The following SCAND3 variants were observed in gnomAD, a reference collection of about 807,000 sequenced individuals.
The protein encoded by SCAND3 is SCAN domain-containing protein 3.
chr6:28,580,694 A>G, the SCAND3 span, among the ~76,000 whole-genome samples: 195 of 152,338 alleles, frequency 1.3e-3, no homozygotes, highest in African/African-American at 4.5e-3. Flanking sequence ...CAATGTATCA[A>G]TTCTGTAATG....
At chr6:28,573,597 A>G in the SCAND3 span, 4 of 1,613,220 alleles carry the variant, frequency 2.5e-6, no homozygotes, top group African/African-American at 5.3e-5. Flanking sequence ...TAGCCAGTAC[A>G]TCTCCACAAA....
chr6:28,592,204 G>A, the SCAND3 span, among the ~76,000 whole-genome samples: 1 of 152,102 alleles, frequency 6.6e-6, no homozygotes, highest in African/African-American at 2.4e-5. The surrounding 1 kb of genome is among the most constrained non-coding windows in gnomAD (Gnocchi z 4.1). Context: ...TCCTAAAGAT[G>A]TTACAGAAAA....
chr6:28,589,281 C>A, the SCAND3 span: 1 of 152,230 alleles, frequency 6.6e-6, no homozygotes, highest in Non-Finnish European at 1.5e-5. Context: ...GTGAGTCTCA[C>A]TGAAGCCTGA....
chr6:28,614,020 A>G, the SCAND3 span, among the ~76,000 whole-genome samples: 9 of 151,002 alleles, frequency 6.0e-5, no homozygotes, highest in Non-Finnish European at 1.0e-4. Flanking sequence ...ATGGAGCGCA[A>G]TGGCGTGATC....
the SCAND3 span, among the ~76,000 whole-genome samples, chr6:28,605,999 A>G: frequency 6.6e-6 from 1 of 152,214 alleles, no homozygotes; most frequent in Non-Finnish European, 1.5e-5. Context: ...ACTAGATCCT[A>G]TATGAGAGGA....
At chr6:28,574,875 G>A in the SCAND3 span, 3 of 1,613,938 alleles carry the variant, frequency 1.9e-6, no homozygotes, top group Non-Finnish European at 2.5e-6. Context: ...TAACACCTGT[G>A]CATTCTTTTT....
the SCAND3 span, among the ~76,000 whole-genome samples, chr6:28,604,646 A>G: frequency 3.3e-5 from 5 of 151,866 alleles, no homozygotes; most frequent in Non-Finnish European, 5.9e-5. Flanking sequence ...TAACTATTAC[A>G]TATTTATTTC....
the SCAND3 span, among the ~76,000 whole-genome samples, chr6:28,574,210 G>A: frequency 1.3e-5 from 2 of 151,960 alleles, no homozygotes; most frequent in African/African-American, 2.4e-5. Flanking sequence ...AAATATTTAC[G>A]CTTAATTTTT....
the SCAND3 span, among the ~76,000 whole-genome samples, chr6:28,581,509 G>A: frequency 0.018 from 2,721 of 152,190 alleles, 75 homozygotes; most frequent in African/African-American, 0.055. Flanking sequence ...CCTAGAAGAA[G>A]GTAGTTGCTG....
At chr6:28,577,843 C>A in the SCAND3 span, among the ~76,000 whole-genome samples, 1 of 152,196 alleles carries the variant, frequency 6.6e-6, no homozygotes, top group Non-Finnish European at 1.5e-5. Flanking sequence ...ATCAAAAAAT[C>A]TTTGAATCTA....
chr6:28,597,573 A>T, the SCAND3 span, among the ~76,000 whole-genome samples: 1 of 152,244 alleles, frequency 6.6e-6, no homozygotes, highest in African/African-American at 2.4e-5. Flanking sequence ...CGCAGCAACC[A>T]CAAAAGTGAT....
the SCAND3 span, among the ~76,000 whole-genome samples, chr6:28,580,425 G>C: frequency 1.3e-5 from 2 of 149,358 alleles, no homozygotes; most frequent in East Asian, 3.9e-4. Context: ...CTGCACGACA[G>C]AGCGAGACTC....
the SCAND3 span, among the ~76,000 whole-genome samples, chr6:28,588,475 T>TA: frequency 3.9e-5 from 6 of 152,188 alleles, no homozygotes; most frequent in Non-Finnish European, 5.9e-5. This position sits in a 1 kb window ranked among gnomAD's most constrained non-coding sequence, Gnocchi z 4.1. Flanking sequence ...TAGACACTTA[T>TA]AAAAAAAGTC....
chr6:28,607,143 C>T, the SCAND3 span, among the ~76,000 whole-genome samples: 8 of 152,262 alleles, frequency 5.3e-5, no homozygotes, highest in African/African-American at 1.9e-4. Flanking sequence ...TGCAAAGCAA[C>T]CTGTCTGTGG....
chr6:28,574,948 G>C, the SCAND3 span: 1 of 1,613,668 alleles, frequency 6.2e-7, no homozygotes, highest in East Asian at 2.2e-5. Context: ...AGCCACCTTA[G>C]GAGTGACAGA....
At chr6:28,586,542 C>T in the SCAND3 span, 4 of 1,614,230 alleles carry the variant, frequency 2.5e-6, no homozygotes, top group South Asian at 2.2e-5. This position sits in a 1 kb window ranked among gnomAD's most constrained non-coding sequence, Gnocchi z 4.4. Context: ...CTCCTGATAG[C>T]AGAACTGCCT....
At chr6:28,573,572 G>A in the SCAND3 span, 7 of 1,612,978 alleles carry the variant, frequency 4.3e-6, no homozygotes, top group African/African-American at 6.7e-5. Context: ...AGTTTTGATG[G>A]TTTCATTGCT....
the SCAND3 span, among the ~76,000 whole-genome samples, chr6:28,607,974 G>A: frequency 6.6e-6 from 1 of 152,184 alleles, no homozygotes; most frequent in Non-Finnish European, 1.5e-5. Context: ...ATATGTTGTG[G>A]AAAGCCACAA....
the SCAND3 span, among the ~76,000 whole-genome samples, chr6:28,605,391 T>C: frequency 6.6e-6 from 1 of 152,184 alleles, no homozygotes; most frequent in Admixed American, 6.6e-5. Flanking sequence ...GTTGGGAAGA[T>C]TTTTTTAAAG....
Sources: allele counts gnomAD v4.1 joint callset (sites outside exome capture counted in the v4.1 genomes callset), GRCh38; gene constraint gnomAD v4.1.1; non-coding constraint Gnocchi (gnomAD v3.1); transcripts MANE v1.5; gene names NCBI Gene and HGNC (gene_info 2026-07-23, HGNC 2026-07-21).